The following XKRX variants were observed in gnomAD, a reference collection of about 807,000 sequenced individuals.
XKRX encodes XK-related protein 2.
A neutral mutation model predicts 22.4 loss-of-function variants in XKRX; 11 were observed. The ratio of observed to expected loss-of-function variants is 0.49; its 90% CI spans 0.31 to 0.81. The LOEUF is 0.81. Among genes scored for constraint, XKRX ranks in the 40% least tolerant of loss-of-function variants. The pLI is 0.05. For missense variants in XKRX, 320 were observed against 336.5 expected (o/e 0.95, Z 0.38); for synonymous variants, 114 against 132.2 (o/e 0.86, Z 0.94).
the XKRX span, chrX:100,887,725 G>A: frequency 1.2e-4 from 82 of 707,971 alleles, no homozygotes; most frequent in African/African-American, 7.3e-4. Flanking sequence ...ATTGGCCTCC[G>A]CCACCATAGG....
chrX:100,943,222 TTTC>T, the XKRX span, among the ~76,000 whole-genome samples: 1 of 112,094 alleles, frequency 8.9e-6, no homozygotes, highest in Non-Finnish European at 1.9e-5. Context: ...CATAAATATT[TTTC>T]TTAACTTTCC....
chrX:100,914,757 C>A lies in XKRX; in HGVS notation c.931G>T (p.Val311Phe). ...TAGAGGATGGTGACTGAAATCAGGA[C>A]CACCAGAGTGCCGACCCGGCTGAAG... ...KNFSRVGTLV[V>F]LISVTILYAG... Residue 311 changes from valine (V) to phenylalanine (F), a missense_variant, in exon 3 of 3, where the codon GTC becomes TTC. Coordinates refer to ENST00000372956, the MANE Select transcript of XKRX (RefSeq NM_212559.3). 2 of 1,211,674 alleles carry A rather than the reference C, an allele frequency of 1.7e-6. No individual in the cohort carries two copies. Among genetic ancestry groups the A allele is most frequent in the Non-Finnish European group, 2.2e-6 (2 of 895,538 alleles).
chrX:100,939,149 A>G, the XKRX span, among the ~76,000 whole-genome samples: 1 of 111,995 alleles, frequency 8.9e-6, no homozygotes, highest in African/African-American at 3.2e-5. Flanking sequence ...TTATACATAT[A>G]CATACATGTA....
chrX:100,917,567 GAGAA>G (rs1366974415), intron 2 of XKRX, among the ~76,000 whole-genome samples: 259 of 98,189 alleles, frequency 2.6e-3, no homozygotes, highest in African/African-American at 9.2e-3. Flanking sequence ...AAGAGAGAGA[GAGAA>G]AGAAAGAGAG....
At chrX:100,902,410 G>C in the XKRX span, among the ~76,000 whole-genome samples, 1 of 111,666 alleles carries the variant, frequency 9.0e-6, no homozygotes, top group Non-Finnish European at 1.9e-5. Flanking sequence ...TATGAGGCCA[G>C]CATTACCGTA....
chrX:100,925,404 A>G (rs1014715013), intron 1 of XKRX, among the ~76,000 whole-genome samples: 4 of 112,318 alleles, frequency 3.6e-5, no homozygotes, highest in Non-Finnish European at 7.5e-5. Context: ...GGCCTTGAAA[A>G]TAAGCGAATC....
chrX:100,900,788 CT>C, the XKRX span, among the ~76,000 whole-genome samples: 173 of 89,245 alleles, frequency 1.9e-3, 1 homozygote, highest in African/African-American at 2.2e-3. Context: ...TCACAATCTC[CT>C]TTTTTTTTTT....
chrX:100,950,968 C>G, the XKRX span, among the ~76,000 whole-genome samples: 1 of 110,519 alleles, frequency 9.0e-6, no homozygotes, highest in Non-Finnish European at 1.9e-5. Context: ...TGCGGGGGCT[C>G]ACACCTGTAA....
At chrX:100,900,995 T>C in the XKRX span, among the ~76,000 whole-genome samples, 10 of 109,879 alleles carry the variant, frequency 9.1e-5, no homozygotes, top group Non-Finnish European at 7.6e-5. Flanking sequence ...TTTTACCGTG[T>C]TAGCCAGGAT....
At chrX:100,901,269 G>A in the XKRX span, among the ~76,000 whole-genome samples, 302 of 111,819 alleles carry the variant, frequency 2.7e-3, 1 homozygote, top group African/African-American at 9.4e-3. Context: ...CAGTCTATAA[G>A]AAATTCACTT....
the XKRX span, among the ~76,000 whole-genome samples, chrX:100,937,171 A>C: frequency 9.1e-6 from 1 of 110,400 alleles, no homozygotes; most frequent in East Asian, 2.8e-4. Flanking sequence ...TTGTATTTTT[A>C]GTAGAGACGA....
the XKRX span, among the ~76,000 whole-genome samples, chrX:100,952,891 G>A: frequency 2.7e-5 from 3 of 112,323 alleles, no homozygotes; most frequent in African/African-American, 9.7e-5. Flanking sequence ...TTTGATGGTG[G>A]TTACACAAAT....
chrX:100,906,871 T>A, the XKRX span, among the ~76,000 whole-genome samples: 1 of 111,645 alleles, frequency 9.0e-6, no homozygotes, highest in African/African-American at 3.3e-5. Flanking sequence ...TCCTCCATCT[T>A]TAAAACCAAC....
the XKRX span, among the ~76,000 whole-genome samples, chrX:100,952,121 G>A: frequency 9.1e-6 from 1 of 110,254 alleles, no homozygotes; most frequent in South Asian, 3.9e-4. Context: ...AACTAATTGT[G>A]GTTTATTCTA....
Position 100,922,811 on chromosome X carries a change from C to A in XKRX, c.586G>T (p.Glu196Ter). 8.3e-7 allele frequency: 1 copy of A among 1,211,622 alleles called. No homozygotes were observed. Among genetic ancestry groups the A allele is most frequent in the Non-Finnish European group, 1.1e-6 (1 of 895,449 alleles). ...YQLYVSLISAEVPLGRVVLMV... is the reference protein window; with the variant it reads ...YQLYVSLISA The stretch of plus-strand genomic sequence containing the variant: ...CACTCACCTCTACCCAGGGGAACCT[C>A]TGCAGAGATCAGGCTCACATAGAGC... Residue 196 changes from glutamate (E) to a stop codon, truncating the protein, a stop_gained, in exon 2 of 3, where the codon GAG (glutamate) becomes TAG (stop). Transcript: ENST00000372956. LOFTEE classifies it high-confidence loss of function.
At chrX:100,890,850 T>C in the XKRX span, among the ~76,000 whole-genome samples, 3 of 111,259 alleles carry the variant, frequency 2.7e-5, no homozygotes, top group African/African-American at 9.8e-5. Flanking sequence ...ACAAAATTTC[T>C]AGCCATTGCA....
the XKRX span, among the ~76,000 whole-genome samples, chrX:100,955,252 C>T: frequency 7.1e-5 from 8 of 112,176 alleles, no homozygotes; most frequent in African/African-American, 2.6e-4. Flanking sequence ...TTTATCAACA[C>T]CAATTTCATA....
In XKRX at chrX:100,914,888, A is replaced by G. The variant is rs976334036; in HGVS notation, c.800T>C (p.Leu267Ser). 8.3e-7 allele frequency: 1 copy of G among 1,211,849 alleles called. No homozygotes were observed. The highest frequency in any genetic ancestry group is 1.1e-6 in the Non-Finnish European group (1 of 895,566). The change falls in exon 3 of 3, where the codon TTG becomes TCG. Residue 267 changes from leucine to serine, a missense_variant. Transcript: ENST00000372956. ...ILVLFSATLK[L>S]KAVPFLVLNF... is the part of the protein sequence containing the mutation. ...GAGCACTAGGAAGGGCACAGCCTTC[A>G]ATTTCAAAGTGGCTGAGAAGAGCAC...
At chrX:100,952,693 G>A in the XKRX span, among the ~76,000 whole-genome samples, 7 of 111,512 alleles carry the variant, frequency 6.3e-5, no homozygotes, top group Non-Finnish European at 1.3e-4. Context: ...GGATCTAAAG[G>A]GAATTATGTT....
Sources: allele counts gnomAD v4.1 joint callset (sites outside exome capture counted in the v4.1 genomes callset), GRCh38; gene constraint gnomAD v4.1.1; transcripts MANE v1.5; gene names NCBI Gene and HGNC (gene_info 2026-07-23, HGNC 2026-07-21).